CA1: variants seen among roughly 807,000 people sequenced by gnomAD.
CA1 encodes the protein carbonic anhydrase 1.
A neutral mutation model predicts 28.8 loss-of-function variants in CA1; 27 were observed. That is an observed-to-expected ratio of 0.94 (90% CI 0.69 to 1.29). The LOEUF is 1.29. CA1 is among the 50% of genes most tolerant of loss of function. CA1 has a pLI of 0.00. For missense variants in CA1, 335 were observed against 310.5 expected (o/e 1.08, Z -0.59); for synonymous variants, 121 against 108.8 (o/e 1.11, Z -0.70).
intron 1 of CA1, among the ~76,000 whole-genome samples, chr8:85,364,055 G>T (rs1809913191): frequency 6.6e-6 from 1 of 151,632 alleles, no homozygotes; most frequent in East Asian, 1.9e-4. Context: ...TGCCCAGGCT[G>T]GTCTTGAGCT....
chr8:85,371,153 C>T (rs1251514413), intron 1 of CA1, among the ~76,000 whole-genome samples: 1 of 152,120 alleles, frequency 6.6e-6, no homozygotes, highest in Non-Finnish European at 1.5e-5. Flanking sequence ...AATGACTCTT[C>T]ATCCTTGGAG....
intron 1 of CA1, among the ~76,000 whole-genome samples, chr8:85,346,387 G>A (rs1279711151): frequency 6.6e-6 from 1 of 152,088 alleles, no homozygotes; most frequent in Non-Finnish European, 1.5e-5. Context: ...GGAAATTAAT[G>A]AGTCTTATAG....
intron 1 of CA1, among the ~76,000 whole-genome samples, chr8:85,344,278 TATATTA>T (rs1809078208): frequency 1.6e-5 from 1 of 62,960 alleles, no homozygotes; most frequent in Admixed American, 1.7e-4. Context: ...TATATAATTA[TATATTA>T]TATACAGTAT....
intron 1 of CA1, among the ~76,000 whole-genome samples, chr8:85,363,365 A>G (rs1809875062): frequency 6.6e-6 from 1 of 152,204 alleles, no homozygotes; most frequent in South Asian, 2.1e-4. Context: ...ACATACTTTC[A>G]AGGCATATCC....
chr8:85,357,968 A>G (rs1476056882), intron 1 of CA1, among the ~76,000 whole-genome samples: 2 of 151,992 alleles, frequency 1.3e-5, no homozygotes, highest in Admixed American at 6.6e-5. Flanking sequence ...TCATTTAGCA[A>G]TTGTTTTTGA....
chr8:85,333,507 TA>T lies in CA1; in HGVS notation c.450+17del. 1 of 1,482,440 alleles carries T rather than the reference TA, an allele frequency of 6.7e-7. No individual in the cohort carries two copies. The highest frequency in any genetic ancestry group is 9.4e-7 in the Non-Finnish European group (1 of 1,060,772). 91.8% of individuals were successfully genotyped at this position (1,482,440 alleles called of 1,614,324 possible). Reference sequence around the variant, plus strand: ...GTAAGACAGTGGAAGCAGAGCTGTGTAATTATCTGTAACTCACCTTCATCAA... The same window carrying T: ...GTAAGACAGTGGAAGCAGAGCTGTGTATTATCTGTAACTCACCTTCATCAA... On this transcript the variant is annotated intron_variant, in intron 5 of 7. Transcript: ENST00000523022.
intron 1 of CA1, among the ~76,000 whole-genome samples, chr8:85,369,893 T>C (rs916935541): frequency 2.0e-5 from 3 of 152,182 alleles, no homozygotes; most frequent in African/African-American, 4.8e-5. Context: ...ATGTAGAGGA[T>C]AGGATTACAG....
At chr8:85,345,423 G>A (rs1177747841) in intron 1 of CA1, among the ~76,000 whole-genome samples, 2 of 152,036 alleles carry the variant, frequency 1.3e-5, no homozygotes, top group Non-Finnish European at 2.9e-5. Context: ...CATCTTGCTT[G>A]TATTGTGAAA....
chr8:85,338,170 G>T, intron 3 of CA1, 82 bp downstream of exon 3: 1 of 1,111,652 alleles, frequency 9.0e-7, no homozygotes, highest in Non-Finnish European at 1.4e-6. Context: ...CTTAGAATGG[G>T]TGTCATATTT....
At chr8:85,344,052 T>C (rs1239634719) in intron 1 of CA1, among the ~76,000 whole-genome samples, 1 of 143,576 alleles carries the variant, frequency 7.0e-6, no homozygotes, top group Non-Finnish European at 1.5e-5. Context: ...GAGTTTAATC[T>C]ACACAGACTC....
At chr8:85,335,699 T>C (rs964807945) in intron 4 of CA1, among the ~76,000 whole-genome samples, 1 of 152,200 alleles carries the variant, frequency 6.6e-6, no homozygotes, top group Non-Finnish European at 1.5e-5. Flanking sequence ...GAGTCACTAA[T>C]TTAGTTTTCT....
In CA1 at chr8:85,342,311, T is replaced by C. The variant is rs1808961393; in HGVS notation, c.-24-652A>G. ...ATTTATTTTATACATCAAATAGGTC[T>C]ACAAGAATAAAGGTCTTATTTTTTA... is the stretch of plus-strand genomic sequence containing the variant. On this transcript the variant is annotated intron_variant, in intron 1 of 7. Coordinates refer to ENST00000523022, the MANE Select transcript of CA1 (RefSeq NM_001128831.4). Among the ~76,000 whole-genome samples the C allele has an allele frequency of 3.3e-5, 5 of 152,328 alleles. No homozygotes were observed. In the South Asian group the frequency reaches 1.0e-3, roughly 32 times the overall value.
intron 6 of CA1, among the ~76,000 whole-genome samples, chr8:85,330,671 G>A (rs1348487134): frequency 6.6e-6 from 1 of 152,066 alleles, no homozygotes; most frequent in South Asian, 2.1e-4. Flanking sequence ...TAAAGAAAGG[G>A]CATTAACTTT....
At chr8:85,334,845 C>T (rs993350026) in intron 4 of CA1, among the ~76,000 whole-genome samples, 3 of 152,042 alleles carry the variant, frequency 2.0e-5, no homozygotes, top group African/African-American at 7.2e-5. Flanking sequence ...ACAAAATTAG[C>T]CGGGTGTGGT....
At chr8:85,356,312 C>A (rs1809604268) in intron 1 of CA1, among the ~76,000 whole-genome samples, 1 of 152,044 alleles carries the variant, frequency 6.6e-6, no homozygotes, top group African/African-American at 2.4e-5. Context: ...ACAATAACAA[C>A]CTTACACAGT....
chr8:85,371,656 T>C (rs1289765313), intron 1 of CA1, among the ~76,000 whole-genome samples: 2 of 152,052 alleles, frequency 1.3e-5, no homozygotes, highest in African/African-American at 4.8e-5. Flanking sequence ...CCTGGAGAGG[T>C]AATATGATTT....
intron 1 of CA1, among the ~76,000 whole-genome samples, chr8:85,359,198 C>T (rs1395091180): frequency 6.6e-6 from 1 of 152,180 alleles, no homozygotes; most frequent in African/African-American, 2.4e-5. Flanking sequence ...TCAGCAAAGC[C>T]ATATTCTCTT....
chr8:85,356,610 A>T (rs1467602775), intron 1 of CA1, among the ~76,000 whole-genome samples: 1 of 152,200 alleles, frequency 6.6e-6, no homozygotes, highest in Non-Finnish European at 1.5e-5. Flanking sequence ...TTAAAAATTT[A>T]AAATTAGTTT....
At chr8:85,333,004 A>G (rs7011926) in intron 5 of CA1, among the ~76,000 whole-genome samples, 115,855 of 152,074 alleles carry the variant, frequency 0.76, 45,264 homozygotes, top group African/African-American at 0.92. Context: ...TAACTTTTTC[A>G]TAGAACTTTT....
Sources: gnomAD v4.1 joint callset for allele counts (sites outside exome capture counted in the v4.1 genomes callset) on GRCh38, gnomAD v4.1.1 for gene constraint, MANE v1.5 for transcripts, NCBI Gene and HGNC (gene_info 2026-07-23, HGNC 2026-07-21) for gene names.